ASIC2: variants seen among roughly 807,000 people sequenced by gnomAD.
ASIC2 encodes the protein acid-sensing ion channel 2.
ASIC2 carries 25 observed loss-of-function variants against 57.3 expected under a neutral mutation model. The observed-to-expected ratio is 0.44, with a 90% CI of 0.32 to 0.61. The LOEUF is 0.61. ASIC2 is among the 20% of genes least tolerant of loss of function. The pLI, the probability that ASIC2 is intolerant of heterozygous loss-of-function variation, is 0.06. For synonymous variants in ASIC2, 319 were observed against 307.5 expected (o/e 1.04, Z -0.39); for missense variants, 641 against 738.1 (o/e 0.87, Z 1.52).
intron 1 of ASIC2, among the ~76,000 whole-genome samples, chr17:34,120,761 CAG>C (rs1911595002): frequency 9.8e-6 from 1 of 102,322 alleles, no homozygotes; most frequent in African/African-American, 3.9e-5. Flanking sequence ...TTTTTTGAGA[CAG>C]AGTCTTGCTC....
chr17:33,122,882 A>G lies in ASIC2; in HGVS notation c.709-10815T>C, dbSNP rs187649312. On this transcript the variant is annotated intron_variant, in intron 1 of 9. Coordinates refer to ENST00000225823, the MANE Select transcript of ASIC2 (RefSeq NM_183377.2). ...AGCAGTACAAATGACCAACAGATAT[A>G]TAAAAAATGCCCAACATCACAAATC... 1.6e-4 allele frequency among the ~76,000 whole-genome samples: 25 copies of G among 152,300 alleles called. No individual in the cohort carries two copies. In the East Asian group the frequency reaches 4.6e-3, roughly 28 times the overall value.
chr17:33,492,813 G>A (rs951653025), intron 1 of ASIC2, among the ~76,000 whole-genome samples: 1 of 152,210 alleles, frequency 6.6e-6, no homozygotes, highest in Non-Finnish European at 1.5e-5. Flanking sequence ...TCTTTCAGAA[G>A]AGGGTGGTTG....
At chr17:33,953,015 C>T (rs1177986264) in intron 1 of ASIC2, among the ~76,000 whole-genome samples, 1 of 152,014 alleles carries the variant, frequency 6.6e-6, no homozygotes, top group Non-Finnish European at 1.5e-5. Flanking sequence ...TTTAAAATGA[C>T]TATCATATAT....
chr17:33,436,163 T>C (rs984434834), intron 1 of ASIC2, among the ~76,000 whole-genome samples: 33 of 152,242 alleles, frequency 2.2e-4, no homozygotes, highest in Non-Finnish European at 2.9e-5. Flanking sequence ...GTTTATAGTT[T>C]AACCTTGAAG....
In ASIC2 at chr17:33,102,928, C is replaced by T. The variant is rs529682733; in HGVS notation, c.859+8989G>A. 5.3e-5 allele frequency among the ~76,000 whole-genome samples: 8 copies of T among 152,164 alleles called. No individual in the cohort carries two copies. The East Asian group carries it at 1.2e-3, about 22-fold the overall frequency. ...CCTCCCGAGTAGCTGGGGCTACAGG[C>T]GCCCACCACCACGCCCGGCTAATTT... On this transcript the variant is annotated intron_variant, in intron 2 of 9. Coordinates refer to ENST00000225823, the MANE Select transcript of ASIC2 (RefSeq NM_183377.2).
At chr17:33,552,453 T>A (rs902062085) in intron 1 of ASIC2, among the ~76,000 whole-genome samples, 2 of 152,162 alleles carry the variant, frequency 1.3e-5, no homozygotes, top group African/African-American at 4.8e-5. Context: ...CCTGAAACCA[T>A]GAAATGGGAG....
chr17:33,787,876 C>A (rs909178858), intron 1 of ASIC2, among the ~76,000 whole-genome samples: 22 of 152,098 alleles, frequency 1.4e-4, no homozygotes, highest in African/African-American at 1.9e-4. Context: ...GGTTTAGGAC[C>A]AAACCCTTGA....
intron 1 of ASIC2, among the ~76,000 whole-genome samples, chr17:33,367,431 C>T (rs1161994130): frequency 6.6e-6 from 1 of 152,210 alleles, no homozygotes; most frequent in Non-Finnish European, 1.5e-5. Flanking sequence ...CACTGCTTCT[C>T]TCTGTAAAAG....
chr17:33,474,237 C>A (rs973259830), intron 1 of ASIC2, among the ~76,000 whole-genome samples: 3 of 152,244 alleles, frequency 2.0e-5, no homozygotes, highest in Admixed American at 2.0e-4. Flanking sequence ...TGTGGTGGCA[C>A]ACACCTGTAG....
chr17:33,465,372 C>CTTTTTTTT (rs67424466), intron 1 of ASIC2, among the ~76,000 whole-genome samples: 7 of 88,278 alleles, frequency 7.9e-5, no homozygotes, highest in East Asian at 2.8e-4. Flanking sequence ...TTTTCTTTTT[C>CTTTTTTTT]TTTTTTTTTT....
At chr17:33,928,521 C>T (rs1915869001) in intron 1 of ASIC2, among the ~76,000 whole-genome samples, 1 of 152,178 alleles carries the variant, frequency 6.6e-6, no homozygotes, top group Non-Finnish European at 1.5e-5. Flanking sequence ...CAACAGCTGG[C>T]CCAAGTGCAG....
At chr17:33,247,583 A>C (rs2142127592) in intron 1 of ASIC2, among the ~76,000 whole-genome samples, 1 of 152,338 alleles carries the variant, frequency 6.6e-6, no homozygotes, top group South Asian at 2.1e-4. Flanking sequence ...AAAGAGAACA[A>C]GGTAGCTTTC....
At chr17:33,025,293 T>G (rs2091854195) in intron 5 of ASIC2, among the ~76,000 whole-genome samples, 1 of 152,124 alleles carries the variant, frequency 6.6e-6, no homozygotes. Context: ...TTGTGCACTC[T>G]CCCTCCCTCC....
intron 3 of ASIC2, among the ~76,000 whole-genome samples, chr17:33,074,010 T>G (rs1187829340): frequency 6.6e-6 from 1 of 152,000 alleles, no homozygotes; most frequent in African/African-American, 2.4e-5. Flanking sequence ...TACCAGCAGG[T>G]GTGTGTGTTT....
At position 33,125,070 on chromosome 17, in the gene ASIC2, T is replaced by C. The variant is rs8072590; in HGVS notation, c.709-13003A>G. Among the ~76,000 whole-genome samples, 1,240 of 152,336 alleles carry C rather than the reference T, an allele frequency of 8.1e-3. 14 individuals are homozygous for C. Among genetic ancestry groups the C allele is most frequent in the African/African-American group, 0.027 (1,109 of 41,580 alleles). On this transcript the variant is annotated intron_variant, in intron 1 of 9. Transcript: ENST00000225823. The stretch of plus-strand genomic sequence containing the variant: ...GCTGTAAACACAGATGAAGCTTGGC[T>C]GGCTTGCCCGCCGCTGACCTCCTGC...
intron 1 of ASIC2, among the ~76,000 whole-genome samples, chr17:33,162,764 G>A (rs1314333427): frequency 1.3e-5 from 2 of 152,174 alleles, no homozygotes; most frequent in Non-Finnish European, 2.9e-5. Flanking sequence ...GGTGTCTAAA[G>A]GTGAGTGGAG....
chr17:33,329,723 A>G (rs866419143), intron 1 of ASIC2, among the ~76,000 whole-genome samples: 7 of 152,124 alleles, frequency 4.6e-5, no homozygotes, highest in Admixed American at 1.3e-4. Context: ...CAAATCACTT[A>G]TCCTCTTTCA....
intron 1 of ASIC2, among the ~76,000 whole-genome samples, chr17:33,651,995 T>C (rs1257533110): frequency 6.6e-6 from 1 of 152,052 alleles, no homozygotes; most frequent in Admixed American, 6.6e-5. Flanking sequence ...AGTGTGTGCA[T>C]GTGCATGCGT....
At chr17:33,111,864 A>T in intron 2 of ASIC2, 53 bp downstream of exon 2, 1 of 1,551,890 alleles carries the variant, frequency 6.4e-7, no homozygotes, top group Admixed American at 1.9e-5. Context: ...TTTCAGAGTC[A>T]GGCCTGCAAC....
Sources: gnomAD v4.1 joint callset for allele counts (sites outside exome capture counted in the v4.1 genomes callset) on GRCh38, gnomAD v4.1.1 for gene constraint, MANE v1.5 for transcripts, NCBI Gene and HGNC (gene_info 2026-07-23, HGNC 2026-07-21) for gene names.